PRKD1: variants seen among roughly 807,000 people sequenced by gnomAD.
The protein encoded by PRKD1 is serine/threonine-protein kinase D1.
PRKD1 carries 63 observed loss-of-function variants against 95.9 expected under a neutral mutation model. The observed-to-expected ratio is 0.66, with a 90% CI of 0.54 to 0.81. The LOEUF (loss-of-function observed/expected upper bound fraction) is 0.81, where lower values mean the gene tolerates loss of function less well. Ranked by LOEUF, PRKD1 falls within the 30% of genes least tolerant of loss-of-function variation. The pLI is 0.00. For missense variants in PRKD1, 1,048 were observed against 1,165.3 expected (o/e 0.90, Z 1.47); for synonymous variants, 425 against 423.1 (o/e 1.00, Z -0.05).
intron 1 of PRKD1, among the ~76,000 whole-genome samples, chr14:29,926,357 C>CATGG (rs1180719246): frequency 6.6e-6 from 1 of 152,160 alleles, no homozygotes; most frequent in Non-Finnish European, 1.5e-5. Context: ...GCCATGGCCC[C>CATGG]CTCTGCCTCA....
intron 1 of PRKD1, among the ~76,000 whole-genome samples, chr14:29,850,504 T>C (rs550857511): frequency 5.3e-5 from 8 of 150,914 alleles, no homozygotes; most frequent in South Asian, 4.2e-4. Context: ...ACACAGTACC[T>C]AGGAATACAT....
chr14:29,854,768 T>C (rs1892433983), intron 1 of PRKD1, among the ~76,000 whole-genome samples: 1 of 152,162 alleles, frequency 6.6e-6, no homozygotes, highest in Non-Finnish European at 1.5e-5. Context: ...AAAAGTGGTT[T>C]CGTGGGCTGA....
At chr14:29,820,174 C>T (rs746825796) in intron 1 of PRKD1, among the ~76,000 whole-genome samples, 2 of 152,156 alleles carry the variant, frequency 1.3e-5, no homozygotes, top group Non-Finnish European at 2.9e-5. Flanking sequence ...TTCATTCATA[C>T]CACCAATCTA....
At chr14:29,685,131 G>T (rs1883780551) in intron 2 of PRKD1, among the ~76,000 whole-genome samples, 1 of 152,136 alleles carries the variant, frequency 6.6e-6, no homozygotes, top group Non-Finnish European at 1.5e-5. Flanking sequence ...GTGGCTTCTT[G>T]CCATTTCCCA....
intron 1 of PRKD1, among the ~76,000 whole-genome samples, chr14:29,882,063 A>AAT (rs1451594575): frequency 6.6e-6 from 1 of 152,226 alleles, no homozygotes; most frequent in African/African-American, 2.4e-5. Context: ...CTTATACATC[A>AAT]ATATATATCA....
chr14:29,737,547 C>G (rs1886789018), intron 1 of PRKD1, among the ~76,000 whole-genome samples: 1 of 152,040 alleles, frequency 6.6e-6, no homozygotes, highest in African/African-American at 2.4e-5. Flanking sequence ...GACTGCACCC[C>G]CTTAATGAGC....
chr14:29,921,568 T>C (rs1280121206), intron 1 of PRKD1, among the ~76,000 whole-genome samples: 1 of 152,200 alleles, frequency 6.6e-6, no homozygotes, highest in East Asian at 1.9e-4. Context: ...TATACATTCA[T>C]TGACTTACAA....
chr14:29,927,794 G>GCGC lies in PRKD1; in HGVS notation c.-285_-283dup, dbSNP rs1050867636. On this transcript the variant is annotated 5_prime_UTR_variant, in exon 1 of 18. Transcript: ENST00000331968. ...GCTCGGGGCCGCCGGCACTGGGGAG[G>GCGC]CGCCGCCGCCGCCAAGAATCTGCCG... The GCGC allele has an allele frequency of 1.1e-4, 17 of 160,530 alleles. No individual in the cohort carries two copies. The highest frequency in any genetic ancestry group is 1.9e-4 in the Non-Finnish European group (14 of 74,096). 9.9% of individuals were successfully genotyped at this position (160,530 alleles called of 1,614,324 possible).
At chr14:29,592,364 T>C (rs544242315) in intron 16 of PRKD1, among the ~76,000 whole-genome samples, 1 of 152,342 alleles carries the variant, frequency 6.6e-6, no homozygotes, top group African/African-American at 2.4e-5. Flanking sequence ...GTTTCATTTG[T>C]AGGCATGCAT....
intron 1 of PRKD1, among the ~76,000 whole-genome samples, chr14:29,750,494 T>C (rs1887425300): frequency 1.3e-5 from 2 of 152,058 alleles, no homozygotes; most frequent in South Asian, 4.1e-4. Flanking sequence ...GTAAGATATA[T>C]ATCTACCCAG....
chr14:29,634,564 G>C (rs776036010), intron 7 of PRKD1, 23 bp from the exon 8 acceptor site: 1 of 1,612,646 alleles, frequency 6.2e-7, no homozygotes, highest in East Asian at 2.2e-5. Context: ...AAATATTGTA[G>C]GGAAAAAATG....
intron 1 of PRKD1, among the ~76,000 whole-genome samples, chr14:29,790,639 A>G (rs1052550974): frequency 6.6e-6 from 1 of 152,146 alleles, no homozygotes; most frequent in African/African-American, 2.4e-5. Context: ...TAAGCTTATA[A>G]TGATCTCTAA....
At chr14:29,852,337 A>G in intron 1 of PRKD1, among the ~76,000 whole-genome samples, 1 of 152,292 alleles carries the variant, frequency 6.6e-6, no homozygotes, top group South Asian at 2.1e-4. Flanking sequence ...ATAATAAATA[A>G]AATAAAAAAC....
At chr14:29,770,633 T>C (rs376072282) in intron 1 of PRKD1, among the ~76,000 whole-genome samples, 10 of 152,152 alleles carry the variant, frequency 6.6e-5, no homozygotes, top group African/African-American at 2.2e-4. Context: ...TTGTGTGAAG[T>C]AGAACTTATG....
At chr14:29,795,166 T>C (rs1316959775) in intron 1 of PRKD1, among the ~76,000 whole-genome samples, 4 of 152,106 alleles carry the variant, frequency 2.6e-5, no homozygotes, top group Non-Finnish European at 4.4e-5. Flanking sequence ...TTCTAGTCAC[T>C]AAATGGATCA....
At chr14:29,819,417 G>A (rs570485171) in intron 1 of PRKD1, among the ~76,000 whole-genome samples, 27 of 152,256 alleles carry the variant, frequency 1.8e-4, no homozygotes, top group East Asian at 1.4e-3. Flanking sequence ...GGGGCCGGGC[G>A]CGGTGGCTCA....
At chr14:29,586,094 C>T (rs1892916080) in intron 16 of PRKD1, among the ~76,000 whole-genome samples, 2 of 152,166 alleles carry the variant, frequency 1.3e-5, no homozygotes, top group African/African-American at 4.8e-5. Flanking sequence ...CTTTAAACCA[C>T]ATTTTGAGTA....
At chr14:29,914,588 G>A (rs2139127083) in intron 1 of PRKD1, among the ~76,000 whole-genome samples, 1 of 152,132 alleles carries the variant, frequency 6.6e-6, no homozygotes, top group Middle Eastern at 3.4e-3. Flanking sequence ...ACAAAAATTA[G>A]CTAGGCGTGG....
intron 1 of PRKD1, among the ~76,000 whole-genome samples, chr14:29,755,873 C>T (rs1887673405): frequency 6.6e-6 from 1 of 152,104 alleles, no homozygotes; most frequent in African/African-American, 2.4e-5. Flanking sequence ...TGTGAACAAC[C>T]AGCTTTCTCT....
Sources: gnomAD v4.1 joint callset for allele counts (sites outside exome capture counted in the v4.1 genomes callset) on GRCh38, gnomAD v4.1.1 for gene constraint, MANE v1.5 for transcripts, NCBI Gene and HGNC (gene_info 2026-07-23, HGNC 2026-07-21) for gene names.